The following ST18 variants were observed in gnomAD, a reference collection of about 807,000 sequenced individuals.
ST18 encodes ST18 C2H2C-type zinc finger transcription factor.
In ST18, 50 loss-of-function variants were observed where a neutral mutation model predicts 110.0. The ratio of observed to expected loss-of-function variants is 0.45; its 90% CI spans 0.36 to 0.58. The LOEUF is 0.58. Ranked by LOEUF, ST18 falls within the 20% of genes least tolerant of loss-of-function variation. The probability of loss-of-function intolerance (pLI) is 0.00; values close to 1 mark genes in which losing one functional copy is unlikely to be tolerated. For missense variants in ST18, 1,306 were observed against 1,280.1 expected (o/e 1.02, Z -0.31); for synonymous variants, 461 against 452.4 (o/e 1.02, Z -0.24).
chr8:52,275,823 CAA>C (rs2095223233), intron 2 of ST18, among the ~76,000 whole-genome samples: 1 of 151,910 alleles, frequency 6.6e-6, no homozygotes, highest in Admixed American at 6.6e-5. Context: ...ATAAGGGACA[CAA>C]GAGAAAACAA....
intron 15 of ST18, among the ~76,000 whole-genome samples, chr8:52,151,399 C>G (rs539104306): frequency 2.0e-5 from 3 of 152,162 alleles, no homozygotes; most frequent in African/African-American, 4.8e-5. Flanking sequence ...TACTAAGATG[C>G]TTTGGCCGTA....
intron 2 of ST18, among the ~76,000 whole-genome samples, chr8:52,271,119 C>T (rs538852607): frequency 3.3e-5 from 5 of 152,116 alleles, no homozygotes; most frequent in Admixed American, 6.5e-5. Context: ...AGGTTGGTCT[C>T]GATCTTCTGA....
Position 52,113,090 on chromosome 8 carries a change from T to C in ST18, c.*108A>G, listed in dbSNP as rs1038533571. ...AAAATTAGTGCAATGTTGCAAATTG[T>C]AAATGCAGTACGGCAACCTCCACGC... On this transcript the variant is annotated 3_prime_UTR_variant, in exon 26 of 26. Transcript: ENST00000689386. 3 of 1,309,012 alleles carry C rather than the reference T, an allele frequency of 2.3e-6. No homozygotes were observed. Among genetic ancestry groups the C allele is most frequent in the South Asian group, 3.9e-5 (2 of 51,114 alleles). 81.1% of individuals were successfully genotyped at this position (1,309,012 alleles called of 1,614,324 possible). A position where few individuals can be genotyped will look rare whatever the true frequency, so the allele number is the denominator to read the frequency against.
At chr8:52,287,238 T>G (rs2095485596) in intron 2 of ST18, among the ~76,000 whole-genome samples, 3 of 152,206 alleles carry the variant, frequency 2.0e-5, no homozygotes, top group African/African-American at 7.2e-5. Flanking sequence ...ATAGAACCTA[T>G]CCACAATACC....
chr8:52,261,504 C>T (rs1301373425), intron 2 of ST18, among the ~76,000 whole-genome samples: 1 of 152,168 alleles, frequency 6.6e-6, no homozygotes, highest in Non-Finnish European at 1.5e-5. Flanking sequence ...ATGTTAACTT[C>T]AAAATATAAA....
chr8:52,176,029 T>C (rs1361925689), intron 9 of ST18, among the ~76,000 whole-genome samples: 1 of 146,206 alleles, frequency 6.8e-6, no homozygotes, highest in African/African-American at 2.5e-5. Flanking sequence ...AGCTAACTCT[T>C]TTTTTTTTTT....
intron 16 of ST18, among the ~76,000 whole-genome samples, chr8:52,147,247 A>T (rs2132323798): frequency 6.6e-6 from 1 of 152,274 alleles, no homozygotes; most frequent in African/African-American, 2.4e-5. Context: ...AAAAAAACAG[A>T]CTCAAGTCTA....
chr8:52,234,680 G>A (rs941904454), intron 2 of ST18, among the ~76,000 whole-genome samples: 11 of 151,620 alleles, frequency 7.3e-5, no homozygotes, highest in African/African-American at 2.2e-4. Flanking sequence ...TAAAAAATGC[G>A]GAACCAACCC....
At chr8:52,397,958 T>G (rs191599193) in intron 2 of ST18, among the ~76,000 whole-genome samples, 3 of 151,150 alleles carry the variant, frequency 2.0e-5, no homozygotes, top group Admixed American at 6.6e-5. Flanking sequence ...AATTTTAGAG[T>G]TTTTTTTTCA....
At chr8:52,234,114 C>CA (rs1291031141) in intron 2 of ST18, among the ~76,000 whole-genome samples, 1 of 151,874 alleles carries the variant, frequency 6.6e-6, no homozygotes, top group African/African-American at 2.4e-5. Flanking sequence ...AACTTTTTTC[C>CA]AAAAAAAGCA....
intron 2 of ST18, among the ~76,000 whole-genome samples, chr8:52,387,842 A>G (rs577661935): frequency 2.0e-5 from 3 of 152,260 alleles, no homozygotes; most frequent in Admixed American, 2.0e-4. Context: ...GGTAACTTAT[A>G]AAGTTTTAAG....
intron 3 of ST18, chr8:52,222,173 A>G (rs940007896): frequency 1.1e-4 from 16 of 152,230 alleles, no homozygotes; most frequent in African/African-American, 3.9e-4. Context: ...AAAGATTGCC[A>G]ATAAAGAACT....
chr8:52,212,177 AC>A (rs2082404867), intron 7 of ST18, 68 bp from the exon 8 acceptor site: 2 of 1,486,024 alleles, frequency 1.3e-6, no homozygotes, highest in South Asian at 1.2e-5. Flanking sequence ...TATAATGGAA[AC>A]TTTTCCCCCA....
chr8:52,305,700 G>A (rs1196966331), intron 2 of ST18, among the ~76,000 whole-genome samples: 3 of 152,058 alleles, frequency 2.0e-5, no homozygotes, highest in Admixed American at 1.3e-4. Context: ...CACCGCATCC[G>A]GTGTATCAGC....
intron 8 of ST18, among the ~76,000 whole-genome samples, chr8:52,188,886 A>G (rs1303121317): frequency 6.6e-6 from 1 of 152,218 alleles, no homozygotes; most frequent in African/African-American, 2.4e-5. Context: ...TGTAGTTACC[A>G]TTTCTGAGAT....
At chr8:52,130,122 A>G (rs866138277) in intron 22 of ST18, among the ~76,000 whole-genome samples, 2,770 of 97,506 alleles carry the variant, frequency 0.028, 45 homozygotes, top group Non-Finnish European at 0.047. Flanking sequence ...AAGAAAGAAA[A>G]GAAAGAAAGA....
At chr8:52,133,794 G>A (rs907668141) in intron 19 of ST18, among the ~76,000 whole-genome samples, 14 of 151,770 alleles carry the variant, frequency 9.2e-5, no homozygotes, top group Non-Finnish European at 1.5e-4. Context: ...GCAATGCTGC[G>A]ATCTTGGCTT....
chr8:52,282,851 T>C (rs930307914), intron 2 of ST18, among the ~76,000 whole-genome samples: 1 of 151,776 alleles, frequency 6.6e-6, no homozygotes, highest in Non-Finnish European at 1.5e-5. Flanking sequence ...GGGAGGAAGA[T>C]GCAAGACCTT....
intron 2 of ST18, among the ~76,000 whole-genome samples, chr8:52,399,465 C>A (rs186384581): frequency 4.6e-5 from 7 of 150,724 alleles, no homozygotes; most frequent in African/African-American, 1.7e-4. Flanking sequence ...TTCTCTCCTG[C>A]TAACTTTAGG....
Sources: allele counts gnomAD v4.1 joint callset (sites outside exome capture counted in the v4.1 genomes callset), GRCh38; gene constraint gnomAD v4.1.1; transcripts MANE v1.5; gene names NCBI Gene and HGNC (gene_info 2026-07-23, HGNC 2026-07-21).